PPARG: variants seen among roughly 807,000 people sequenced by gnomAD.
PPARG encodes peroxisome proliferator activated receptor gamma, also known as peroxisome proliferator-activated receptor gamma.
In PPARG, 17 loss-of-function variants were observed where a neutral mutation model predicts 39.2. That is an observed-to-expected ratio of 0.43 (90% CI 0.30 to 0.65). PPARG has a LOEUF of 0.65. PPARG is among the 30% of genes least tolerant of loss of function. The probability of loss-of-function intolerance (pLI) is 0.13; values close to 1 mark genes in which losing one functional copy is unlikely to be tolerated. For synonymous variants in PPARG, 223 were observed against 215.7 expected, an observed-to-expected ratio of 1.03 and a Z score of -0.30; for missense variants, 406 against 585.9, an observed-to-expected ratio of 0.69 and a Z score of 3.17.
rs1014837368 is a variant in PPARG, at chr3:12,414,468, A to T, written c.730-2236A>T. Among the ~76,000 whole-genome samples, 2 of 151,586 alleles carry T rather than the reference A, an allele frequency of 1.3e-5. 1 individual carries two copies. The highest frequency in any genetic ancestry group is 3.9e-4 in the East Asian group (2 of 5,184). ...AGACCTCATCTCAAAAAATGAAATA[A>T]TTTTTTTTTAGAAAAAGAAAGTAAA... On this transcript the variant is annotated intron_variant, in intron 6 of 7. Coordinates refer to ENST00000651735, the MANE Select transcript of PPARG (RefSeq NM_138711.6).
At chr3:12,327,734 C>T (rs769409190) in intron 2 of PPARG, among the ~76,000 whole-genome samples, 1 of 152,094 alleles carries the variant, frequency 6.6e-6, no homozygotes, top group Non-Finnish European at 1.5e-5. Flanking sequence ...GAAAGTTCTT[C>T]AGAAAATATA....
chr3:12,362,376 A>G (rs75466255), intron 2 of PPARG, among the ~76,000 whole-genome samples: 7 of 152,008 alleles, frequency 4.6e-5, no homozygotes, highest in African/African-American at 1.7e-4. Context: ...AAAATTAGCC[A>G]GGCATGGTGG....
intron 2 of PPARG, among the ~76,000 whole-genome samples, chr3:12,373,850 A>G (rs2049310418): frequency 6.6e-6 from 1 of 152,186 alleles, no homozygotes; most frequent in South Asian, 2.1e-4. Context: ...GAGGATTCAT[A>G]GATGGTTTTA....
At chr3:12,310,942 G>A (rs1197076814) in intron 1 of PPARG, among the ~76,000 whole-genome samples, 2 of 151,922 alleles carry the variant, frequency 1.3e-5, no homozygotes. Context: ...ACACATTAGA[G>A]TGTGTTTATG....
At chr3:12,325,564 G>A (rs2346795) in intron 2 of PPARG, among the ~76,000 whole-genome samples, 35,922 of 151,816 alleles carry the variant, frequency 0.24, 4,421 homozygotes, top group East Asian at 0.33. Context: ...TTGCACCACT[G>A]CACTCCAGCC....
At chr3:12,401,146 G>A (rs2050455422) in intron 5 of PPARG, among the ~76,000 whole-genome samples, 3 of 152,184 alleles carry the variant, frequency 2.0e-5, no homozygotes, top group Admixed American at 2.0e-4. Flanking sequence ...TCTAAGGTCT[G>A]ACTTCAGTCT....
intron 2 of PPARG, among the ~76,000 whole-genome samples, chr3:12,367,408 A>G (rs965743598): frequency 1.4e-4 from 21 of 152,176 alleles, no homozygotes; most frequent in African/African-American, 4.8e-4. Flanking sequence ...GTTTGACCAT[A>G]ATGAATTTTT....
At chr3:12,425,651 C>T (rs957740044) in intron 7 of PPARG, among the ~76,000 whole-genome samples, 1 of 152,124 alleles carries the variant, frequency 6.6e-6, no homozygotes, top group Non-Finnish European at 1.5e-5. Flanking sequence ...GCATTTCCAG[C>T]CCCAGTCAGA....
intron 2 of PPARG, among the ~76,000 whole-genome samples, chr3:12,328,504 G>A (rs549639743): frequency 2.2e-4 from 33 of 152,354 alleles, no homozygotes; most frequent in African/African-American, 7.7e-4. Flanking sequence ...CCCTCTTGGG[G>A]TGTGTGATGA....
intron 2 of PPARG, among the ~76,000 whole-genome samples, chr3:12,368,686 A>C (rs1234845222): frequency 6.6e-6 from 1 of 152,210 alleles, no homozygotes; most frequent in Non-Finnish European, 1.5e-5. Context: ...GCACTTAATA[A>C]TTGTTAGCTA....
intron 2 of PPARG, among the ~76,000 whole-genome samples, chr3:12,366,270 A>T (rs1021901423): frequency 6.6e-6 from 1 of 151,928 alleles, no homozygotes; most frequent in African/African-American, 2.4e-5. Flanking sequence ...AAGCATTATG[A>T]CTTTTGTATA....
chr3:12,336,173 G>A (rs2048006976), intron 2 of PPARG, among the ~76,000 whole-genome samples: 1 of 152,214 alleles, frequency 6.6e-6, no homozygotes. Context: ...AGTTGAGACA[G>A]TGCTGGAACC....
chr3:12,410,279 G>C (rs1218431886), intron 6 of PPARG, among the ~76,000 whole-genome samples: 4 of 152,168 alleles, frequency 2.6e-5, no homozygotes, highest in African/African-American at 9.7e-5. Context: ...TAGGTGCTCT[G>C]TTTCATGAAG....
intron 3 of PPARG, 79 bp downstream of exon 3, chr3:12,380,010 G>C: frequency 8.2e-7 from 1 of 1,217,618 alleles, no homozygotes; most frequent in Non-Finnish European, 1.2e-6. Context: ...AATAAATAAT[G>C]CTCCAGAGAC....
At chr3:12,371,437 C>T (rs182115124) in intron 2 of PPARG, among the ~76,000 whole-genome samples, 68 of 152,310 alleles carry the variant, frequency 4.5e-4, no homozygotes, top group African/African-American at 1.3e-3. Context: ...CTATTCCCTA[C>T]GCCTTTTGAT....
At position 12,329,009 on chromosome 3, in the gene PPARG, G is replaced by A. The variant is rs895673571; in HGVS notation, c.-9+16556G>A. 2.0e-5 allele frequency among the ~76,000 whole-genome samples: 3 copies of A among 152,188 alleles called. No individual in the cohort carries two copies. In the East Asian group the frequency reaches 5.8e-4, roughly 29 times the overall value. ...ATCCTGAGGCCTCCTAGAGGCTGAG[G>A]GGGCAATGGTGTGCTCCAGCTGGCT... is the stretch of plus-strand genomic sequence containing the variant. On this transcript the variant is annotated intron_variant, in intron 2 of 7. Transcript: ENST00000651735.
intron 1 of PPARG, among the ~76,000 whole-genome samples, chr3:12,296,922 G>GT (rs572171525): frequency 1.6e-4 from 25 of 152,092 alleles, no homozygotes; most frequent in African/African-American, 2.9e-4. Flanking sequence ...GTTGATAATA[G>GT]TTTTTTTTAT....
At chr3:12,357,645 G>T (rs1326305090) in intron 2 of PPARG, among the ~76,000 whole-genome samples, 1 of 152,102 alleles carries the variant, frequency 6.6e-6, no homozygotes, top group South Asian at 2.1e-4. Flanking sequence ...CACCTCCCTG[G>T]AATGTTAACC....
In PPARG at chr3:12,338,404, A is replaced by G. The variant is rs1235219570; in HGVS notation, c.-9+25951A>G. 2.6e-5 allele frequency among the ~76,000 whole-genome samples: 4 copies of G among 152,176 alleles called. No homozygotes were observed. The East Asian group carries it at 7.7e-4, about 29-fold the overall frequency. ...AAATTGTTTCAGTTATTTTATTACT[A>G]TATAGATATCTCTCTCTTAAAATTG... On this transcript the variant is annotated intron_variant, in intron 2 of 7. Coordinates refer to ENST00000651735, the MANE Select transcript of PPARG (RefSeq NM_138711.6).
Sources: allele counts gnomAD v4.1 joint callset (sites outside exome capture counted in the v4.1 genomes callset), GRCh38; gene constraint gnomAD v4.1.1; transcripts MANE v1.5; gene names NCBI Gene and HGNC (gene_info 2026-07-23, HGNC 2026-07-21).